FES: variants seen among roughly 807,000 people sequenced by gnomAD.
FES encodes the protein FES proto-oncogene, tyrosine kinase.
Under a neutral mutation model 109.6 loss-of-function variants are expected in FES, and 83 were observed. The observed-to-expected ratio is 0.76, with a 90% CI of 0.63 to 0.91. The LOEUF is 0.91. Ranked by LOEUF, FES falls within the 40% of genes least tolerant of loss-of-function variation. The probability of loss-of-function intolerance (pLI) is 0.00; values close to 1 mark genes in which losing one functional copy is unlikely to be tolerated. For missense variants in FES, 943 were observed against 1,070.9 expected (o/e 0.88, Z 1.67); for synonymous variants, 458 against 442.1 (o/e 1.04, Z -0.45).
At chr15:90,888,255 G>A (rs1005662225) in intron 5 of FES, among the ~76,000 whole-genome samples, 8 of 152,042 alleles carry the variant, frequency 5.3e-5, no homozygotes, top group South Asian at 4.2e-4. Flanking sequence ...ACGGGCATGC[G>A]CCACCACACC....
In FES at chr15:90,893,122, C is replaced by T. The variant is rs779542238; in HGVS notation, c.1849C>T (p.Pro617Ser). 6.2e-7 allele frequency: 1 copy of T among 1,613,888 alleles called. No homozygotes were observed. The highest frequency in any genetic ancestry group is 8.5e-7 in the Non-Finnish European group (1 of 1,179,948). The change falls in exon 15 of 19, where the codon CCC becomes TCC. Residue 617 changes from proline (P) to serine (S), a missense_variant. By Grantham distance (74) the Pro-to-Ser change is moderately conservative. Coordinates refer to ENST00000328850, the MANE Select transcript of FES (RefSeq NM_002005.4). ...EARILKQYSH[P>S]NIVRLIGVCT... ...CAGGATCCTGAAGCAGTACAGCCAC[C>T]CCAACATCGTGCGTCTCATTGGTGT...
In FES at chr15:90,893,773, TC is replaced by T; in HGVS notation, c.2169del (p.Val724Ter). 1 of 1,606,058 alleles carries T rather than the reference TC, an allele frequency of 6.2e-7. No individual in the cohort carries two copies. The highest frequency in any genetic ancestry group is 8.5e-7 in the Non-Finnish European group (1 of 1,175,748). On this transcript the variant is annotated frameshift_variant, in exon 17 of 19. Transcript: ENST00000328850. LOFTEE classifies it high-confidence loss of function. ...VYAASGGLRQ[V>X]PVKWTAPEAL... is the part of the protein sequence containing the mutation. ...GCAGCCTCAGGGGGCCTCAGACAAG[TC>T]CCCGTGAAGTGGACCGCACCTGAGG...
intron 16 of FES, 80 bp from the exon 17 acceptor site, chr15:90,893,574 T>G (rs761298450): frequency 1.3e-6 from 2 of 1,507,724 alleles, no homozygotes; most frequent in Non-Finnish European, 1.8e-6. Flanking sequence ...GCAGCTTTTG[T>G]CCTTGGCTTT....
In FES at chr15:90,893,560, G is replaced by T; in HGVS notation, c.2046-94G>T. 5 of 1,497,934 alleles carry T rather than the reference G, an allele frequency of 3.3e-6. No individual in the cohort carries two copies. In the Admixed American group the frequency reaches 6.9e-5, roughly 21 times the overall value. The allele number at this position is 1,497,934 out of a possible 1,614,324, so 92.8% of individuals were successfully genotyped here. On this transcript the variant is annotated intron_variant, in intron 16 of 18. Transcript: ENST00000328850. ...GTGGTAGACAGGGGTGCCCAGGGCC[G>T]GGAGCAGCTTTTGTCCTTGGCTTTC...
intron 18 of FES, among the ~76,000 whole-genome samples, chr15:90,894,460 C>G (rs1322947103): frequency 6.6e-6 from 1 of 152,190 alleles, no homozygotes; most frequent in Non-Finnish European, 1.5e-5. Flanking sequence ...TGGCACGTGC[C>G]TGTAATCCCA....
intron 4 of FES, 53 bp downstream of exon 4, chr15:90,887,110 G>C (rs1412503972): frequency 6.2e-7 from 1 of 1,613,010 alleles, no homozygotes; most frequent in Non-Finnish European, 8.5e-7. Flanking sequence ...GTGCTGACCT[G>C]TCCTTGGGTA....
At chr15:90,893,543 C>T in intron 16 of FES, 111 bp from the exon 17 acceptor site, 2 of 1,488,970 alleles carry the variant, frequency 1.3e-6, no homozygotes, top group Non-Finnish European at 9.0e-7. Context: ...CTGTGGTAGA[C>T]AGGGGTGCCC....
At chr15:90,892,133 T>C in intron 13 of FES, 22 bp downstream of exon 13, 1 of 1,613,744 alleles carries the variant, frequency 6.2e-7, no homozygotes, top group East Asian at 2.2e-5. Context: ...TCTGCTGGCC[T>C]CCTTGTCGCT....
chr15:90,889,703 A>G lies in FES; in HGVS notation c.926+67A>G. ...GCAGACCACGAGTGTTTATGTAGGC[A>G]GGGCTAGGTCGTGGAGACTGTCCAC... On this transcript the variant is annotated intron_variant, in intron 7 of 18. Coordinates refer to ENST00000328850, the MANE Select transcript of FES (RefSeq NM_002005.4). The surrounding 1 kb of genome is among the most constrained non-coding windows in gnomAD (Gnocchi z 6.1). 6.2e-7 allele frequency: 1 copy of G among 1,606,556 alleles called. No homozygotes were observed. The highest frequency in any genetic ancestry group is 1.1e-5 in the South Asian group (1 of 90,430).
rs779464184 is a variant in FES at position 90,895,696 on chromosome 15, G to A, written c.*138G>A. The A allele has an allele frequency of 1.5e-3, 1,076 of 694,542 alleles. 2 individuals are homozygous for A. Among genetic ancestry groups the A allele is most frequent in the Non-Finnish European group, 2.0e-3 (912 of 461,860 alleles). The allele number at this position is 694,542 out of a possible 1,614,324, so 43.0% of individuals were successfully genotyped here. ...ATCCACACTGCCGGCAGGATGCAGCGCCGTGTCCTCTCTGTGTCCCTGCTG... is the reference window on the plus strand; with the variant it reads ...ATCCACACTGCCGGCAGGATGCAGCACCGTGTCCTCTCTGTGTCCCTGCTG... On this transcript the variant is annotated 3_prime_UTR_variant, in exon 19 of 19. Transcript: ENST00000328850.
intron 3 of FES, among the ~76,000 whole-genome samples, chr15:90,886,136 A>C (rs901559723): frequency 2.6e-5 from 4 of 152,176 alleles, no homozygotes; most frequent in Non-Finnish European, 5.9e-5. Context: ...CCCTCCCTGC[A>C]CCACACCCCT....
chr15:90,887,438 A>G, intron 5 of FES, 68 bp downstream of exon 5: 1 of 1,462,810 alleles, frequency 6.8e-7, no homozygotes, highest in Non-Finnish European at 9.1e-7. Context: ...TCAGGCCCAG[A>G]GGCAGGACCC....
At chr15:90,890,544 G>C (rs985663069) in intron 10 of FES, 60 bp downstream of exon 10, 5 of 1,468,166 alleles carry the variant, frequency 3.4e-6, no homozygotes, top group Non-Finnish European at 4.7e-6. Context: ...TCACTGGGAT[G>C]TCCTAGAGAG....
rs768117340 is a variant in FES, at chr15:90,887,018, A to G, written c.445A>G (p.Ser149Gly). The G allele has an allele frequency of 5.0e-6, 8 of 1,614,182 alleles. No individual in the cohort carries two copies. The highest frequency in any genetic ancestry group is 6.8e-6 in the Non-Finnish European group (8 of 1,180,024). Residue 149 changes from serine to glycine, a missense_variant, in exon 4 of 19, where the codon AGT becomes GGT. Transcript: ENST00000328850. ...CCAGTACCGAGCTCTGGCACGGGAC[A>G]GTGCCCAAGCCAAGCGCAAGTACCA... is the stretch of plus-strand genomic sequence containing the variant. ...KSQYRALARD[S>G]AQAKRKYQEA...
chr15:90,886,545 A>G (rs1262450063), intron 3 of FES, among the ~76,000 whole-genome samples: 1 of 152,214 alleles, frequency 6.6e-6, no homozygotes, highest in Non-Finnish European at 1.5e-5. Context: ...TGCCAAGAAC[A>G]TAATTTGCAG....
At position 90,890,297 on chromosome 15, in the gene FES, G is replaced by A. The variant is rs747088456; in HGVS notation, c.1236+19G>A. 7 of 1,586,896 alleles carry A rather than the reference G, an allele frequency of 4.4e-6. No individual in the cohort carries two copies. The highest frequency in any genetic ancestry group is 1.7e-4 in the Middle Eastern group (1 of 5,888). Reference sequence around the variant, plus strand: ...GTCCTCGGTGAGCTGCCCCATCCGCGGCCGCTGCCCGCCACCGGCCTGCCC... The same window carrying A: ...GTCCTCGGTGAGCTGCCCCATCCGCAGCCGCTGCCCGCCACCGGCCTGCCC... On this transcript the variant is annotated intron_variant, in intron 9 of 18. Transcript: ENST00000328850.
chr15:90,885,458 T>A lies in FES; in HGVS notation c.260T>A (p.Leu87Gln). Reference sequence around the variant, plus strand: ...CAAACTGAGGGCCTGAGCCGCTTGCTGCGGCAGCACGCAGAGGATCTGAAC... The same window carrying A: ...CAAACTGAGGGCCTGAGCCGCTTGCAGCGGCAGCACGCAGAGGATCTGAAC... ...TSQTEGLSRL[L>Q]RQHAEDLNSG... is the part of the protein sequence containing the mutation. Residue 87 changes from leucine (L) to glutamine (Q), a missense_variant, in exon 3 of 19, where the codon CTG becomes CAG. Leu to Gln is a moderately radical substitution (Grantham distance 113). Coordinates refer to ENST00000328850, the MANE Select transcript of FES (RefSeq NM_002005.4). The A allele has an allele frequency of 6.2e-7, 1 of 1,613,388 alleles. No homozygotes were observed. Among genetic ancestry groups the A allele is most frequent in the Non-Finnish European group, 8.5e-7 (1 of 1,180,028 alleles).
intron 12 of FES, 48 bp from the exon 13 acceptor site, chr15:90,892,010 C>T (rs1369194124): frequency 9.3e-6 from 15 of 1,607,592 alleles, no homozygotes; most frequent in Non-Finnish European, 1.1e-5. Context: ...AAGGGCCCAG[C>T]ACCCCTTTTC....
Position 90,893,306 on chromosome 15 carries a change from C to T in FES, c.1937C>T (p.Thr646Ile). 1 of 1,581,838 alleles carries T rather than the reference C, an allele frequency of 6.3e-7. No homozygotes were observed. Residue 646 changes from threonine (T) to isoleucine (I), a missense_variant, in exon 16 of 19, where the codon ACC becomes ATC. By Grantham distance (89) the Thr-to-Ile change is moderately conservative. Transcript: ENST00000328850. ...CCACCTGCAGGGGGCGACTTCCTGA[C>T]CTTCCTCCGCACGGAGGGGGCCCGC... ...MELVQGGDFL[T>I]FLRTEGARLR...
Sources: gnomAD v4.1 joint callset for allele counts (sites outside exome capture counted in the v4.1 genomes callset) on GRCh38, gnomAD v4.1.1 for gene constraint, Gnocchi (gnomAD v3.1) non-coding constraint, MANE v1.5 for transcripts, NCBI Gene and HGNC (gene_info 2026-07-23, HGNC 2026-07-21) for gene names.